Variants in CMSS1 observed in about 807,000 individuals in gnomAD.
CMSS1 encodes cms1 ribosomal small subunit homolog.
In CMSS1, 33 loss-of-function variants were observed where a neutral mutation model predicts 43.5. The ratio of observed to expected loss-of-function variants is 0.76; its 90% CI spans 0.57 to 1.01. CMSS1 has a LOEUF of 1.01. Ranked by LOEUF, CMSS1 falls within the 50% of genes least tolerant of loss-of-function variation. The pLI is 0.00. For synonymous variants in CMSS1, 115 were observed against 117.2 expected, an observed-to-expected ratio of 0.98 and a Z score of 0.12; for missense variants, 313 against 326.4, an observed-to-expected ratio of 0.96 and a Z score of 0.32.
chr3:99,883,094 A>G (rs1705782161), intron 1 of CMSS1, among the ~76,000 whole-genome samples: 1 of 152,224 alleles, frequency 6.6e-6, no homozygotes, highest in Admixed American at 6.5e-5. Flanking sequence ...TTTGGAAGAT[A>G]TGTCAAAAGT....
At position 100,044,271 on chromosome 3, in the gene CMSS1, A is replaced by G. The variant is rs562220345; in HGVS notation, c.65-102702A>G. ...CGATGCAGTTGTTTACAAGATTGACATGGTCTTTGCCCTAATGAAGTTTAT... is the reference window on the plus strand; with the variant it reads ...CGATGCAGTTGTTTACAAGATTGACGTGGTCTTTGCCCTAATGAAGTTTAT... On this transcript the variant is annotated intron_variant, in intron 1 of 9. Coordinates refer to ENST00000421999, the MANE Select transcript of CMSS1 (RefSeq NM_032359.4). Among the ~76,000 whole-genome samples the G allele has an allele frequency of 5.9e-5, 9 of 152,366 alleles. No individual in the cohort carries two copies. The East Asian group carries it at 1.7e-3, about 29-fold the overall frequency.
rs987046896 is a variant in CMSS1 at position 100,180,826 on chromosome 3, T to G, written c.*2438T>G. Reference sequence around the variant, plus strand: ...ATGTCCCACTTCTCTGGTACCAATTTTTTGTATTCTTCCATTTTTACACTG... The same window carrying G: ...ATGTCCCACTTCTCTGGTACCAATTGTTTGTATTCTTCCATTTTTACACTG... On this transcript the variant is annotated 3_prime_UTR_variant, in exon 10 of 10. Coordinates refer to ENST00000421999, the MANE Select transcript of CMSS1 (RefSeq NM_032359.4). 8 of 152,222 alleles carry G rather than the reference T, an allele frequency of 5.3e-5. No individual in the cohort carries two copies. Among genetic ancestry groups the G allele is most frequent in the African/African-American group, 1.4e-4 (6 of 41,456 alleles). 9.4% of individuals were successfully genotyped at this position (152,222 alleles called of 1,614,324 possible).
rs143870316 is a variant in CMSS1, at chr3:99,852,151, G to T, written c.64+34108G>T. Among the ~76,000 whole-genome samples the T allele has an allele frequency of 6.1e-4, 93 of 152,186 alleles. 2 individuals carry two copies. In the East Asian group the frequency reaches 0.016, roughly 27 times the overall value. On this transcript the variant is annotated intron_variant, in intron 1 of 9. Transcript: ENST00000421999. Reference sequence around the variant, plus strand: ...GTAGTGAGGTCAAAGTTTTAAATTTGTGGCACTCTCAATTATACTGCGAAT... The same window carrying T: ...GTAGTGAGGTCAAAGTTTTAAATTTTTGGCACTCTCAATTATACTGCGAAT...
chr3:99,896,138 T>C (rs1706244600), intron 1 of CMSS1, among the ~76,000 whole-genome samples: 1 of 152,152 alleles, frequency 6.6e-6, no homozygotes, highest in South Asian at 2.1e-4. Flanking sequence ...AACAGAAGTG[T>C]GAATAACTGC....
At chr3:100,041,587 CA>C (rs917069952) in intron 1 of CMSS1, among the ~76,000 whole-genome samples, 1 of 150,980 alleles carries the variant, frequency 6.6e-6, no homozygotes, top group Non-Finnish European at 1.5e-5. Flanking sequence ...ACTAAGGCTA[CA>C]AAAAAAATAA....
rs1296009534 is a variant in CMSS1, at chr3:100,080,834, T to C, written c.65-66139T>C. Among the ~76,000 whole-genome samples the C allele has an allele frequency of 2.0e-5, 3 of 152,330 alleles. No individual in the cohort carries two copies. In the East Asian group the frequency reaches 5.8e-4, roughly 29 times the overall value. On this transcript the variant is annotated intron_variant, in intron 1 of 9. Coordinates refer to ENST00000421999, the MANE Select transcript of CMSS1 (RefSeq NM_032359.4). Reference sequence around the variant, plus strand: ...AAGGCAAGGACTGCCTTTTCTTGCATAGTCCTATTTTAGGATGGATGTGTA... The same window carrying C: ...AAGGCAAGGACTGCCTTTTCTTGCACAGTCCTATTTTAGGATGGATGTGTA...
rs762244152 is a variant in CMSS1, at chr3:99,848,808, T to G, written c.64+30765T>G. ...CTTCGGTAGAGGTTTTGGACTTTAC[T>G]GGTGTTATGGAGGCGTTTTGGAGGA... is the stretch of plus-strand genomic sequence containing the variant. On this transcript the variant is annotated intron_variant, in intron 1 of 9. Coordinates refer to ENST00000421999, the MANE Select transcript of CMSS1 (RefSeq NM_032359.4). 21 of 1,614,052 alleles carry G rather than the reference T, an allele frequency of 1.3e-5. No homozygotes were observed. The South Asian group carries it at 2.3e-4, about 18-fold the overall frequency.
chr3:100,146,443 C>T (rs964046372), intron 1 of CMSS1, among the ~76,000 whole-genome samples: 1 of 152,312 alleles, frequency 6.6e-6, no homozygotes, highest in African/African-American at 2.4e-5. Context: ...CTCAAATAGA[C>T]TTTAGTTCCC....
At chr3:99,883,872 A>G (rs1400877144) in intron 1 of CMSS1, among the ~76,000 whole-genome samples, 1 of 152,226 alleles carries the variant, frequency 6.6e-6, no homozygotes, top group Non-Finnish European at 1.5e-5. Context: ...GTCTAAGATC[A>G]CAGAGCTAGG....
At chr3:99,934,595 A>G (rs984088089) in intron 1 of CMSS1, among the ~76,000 whole-genome samples, 5 of 152,200 alleles carry the variant, frequency 3.3e-5, no homozygotes, top group Admixed American at 1.3e-4. Flanking sequence ...CAGAATACCA[A>G]GATAATGTAA....
intron 1 of CMSS1, among the ~76,000 whole-genome samples, chr3:99,892,190 A>G (rs879803388): frequency 6.6e-6 from 1 of 152,194 alleles, no homozygotes; most frequent in African/African-American, 2.4e-5. Flanking sequence ...TGAGAACTGC[A>G]TCTTGAATTA....
At chr3:99,860,646 G>C (rs1232023386) in intron 1 of CMSS1, among the ~76,000 whole-genome samples, 2 of 152,262 alleles carry the variant, frequency 1.3e-5, no homozygotes, top group East Asian at 1.9e-4. Context: ...TTCTGGGCTA[G>C]AAAAGACACT....
intron 1 of CMSS1, among the ~76,000 whole-genome samples, chr3:99,923,150 C>T (rs925680109): frequency 1.3e-5 from 2 of 151,764 alleles, no homozygotes; most frequent in Non-Finnish European, 2.9e-5. Flanking sequence ...ACTGCCAAGC[C>T]TTGATGTATT....
chr3:100,073,479 A>C (rs1481775777), intron 1 of CMSS1, among the ~76,000 whole-genome samples: 1 of 152,190 alleles, frequency 6.6e-6, no homozygotes, highest in Non-Finnish European at 1.5e-5. Context: ...GGTAGAGGAG[A>C]TTGCAGGGAA....
chr3:99,880,863 G>A (rs1267996959), intron 1 of CMSS1, among the ~76,000 whole-genome samples: 3 of 152,030 alleles, frequency 2.0e-5, no homozygotes, highest in African/African-American at 7.3e-5. Flanking sequence ...TTCGTAGTGT[G>A]GATGGACCCT....
chr3:100,125,976 A>G (rs1344753266), intron 1 of CMSS1, among the ~76,000 whole-genome samples: 1 of 152,224 alleles, frequency 6.6e-6, no homozygotes, highest in African/African-American at 2.4e-5. Flanking sequence ...ATAAAGGGTC[A>G]TGTTAATATT....
At chr3:99,824,264 C>T (rs1942495640) in intron 1 of CMSS1, among the ~76,000 whole-genome samples, 1 of 152,168 alleles carries the variant, frequency 6.6e-6, no homozygotes, top group South Asian at 2.1e-4. Flanking sequence ...CAAACGTCAC[C>T]TACTCAGAGT....
chr3:100,176,290 G>T (rs759362254), intron 8 of CMSS1, 37 bp from the exon 9 acceptor site: 2 of 1,343,470 alleles, frequency 1.5e-6, no homozygotes, highest in East Asian at 2.3e-5. Flanking sequence ...ATGTCATGAG[G>T]TCTTTACTAC....
chr3:99,970,314 C>G (rs990721584), intron 1 of CMSS1, among the ~76,000 whole-genome samples: 1 of 152,208 alleles, frequency 6.6e-6, no homozygotes, highest in East Asian at 1.9e-4. Context: ...ATAGGGAATG[C>G]CCACCTTACC....
Sources: gnomAD v4.1 joint callset for allele counts (sites outside exome capture counted in the v4.1 genomes callset) on GRCh38, gnomAD v4.1.1 for gene constraint, MANE v1.5 for transcripts, NCBI Gene and HGNC (gene_info 2026-07-23, HGNC 2026-07-21) for gene names.